Variants in EPHB1 observed in about 807,000 individuals in gnomAD.
EPHB1 encodes ephrin type-B receptor 1.
Under a neutral mutation model 94.4 loss-of-function variants are expected in EPHB1, and 30 were observed. That is an observed-to-expected ratio of 0.32 (90% confidence interval 0.24 to 0.43). The LOEUF (loss-of-function observed/expected upper bound fraction) is 0.43, where lower values mean the gene tolerates loss of function less well. Among genes scored for constraint, EPHB1 ranks in the 20% least tolerant of loss-of-function variants. The pLI is 1.00. For missense variants in EPHB1, 1,055 were observed against 1,308.3 expected (o/e 0.81, Z 2.99); for synonymous variants, 522 against 489.1 (o/e 1.07, Z -0.89).
intron 12 of EPHB1, among the ~76,000 whole-genome samples, chr3:135,220,470 A>G (rs566604269): frequency 3.3e-5 from 5 of 152,248 alleles, no homozygotes; most frequent in African/African-American, 1.2e-4. Flanking sequence ...TAGAGAATAC[A>G]TGCCATCTGG....
At chr3:134,916,646 AGCTCTGAGTGTGGG>A (rs2038578593) in intron 1 of EPHB1, among the ~76,000 whole-genome samples, 2 of 152,316 alleles carry the variant, frequency 1.3e-5, no homozygotes, top group South Asian at 4.1e-4. Context: ...GCCAGCCGGC[AGCTCTGAGTGTGGG>A]GCCCGCTGAG....
intron 12 of EPHB1, among the ~76,000 whole-genome samples, chr3:135,236,873 A>G (rs9865620): frequency 0.66 from 99,672 of 152,052 alleles, 33,504 homozygotes; most frequent in South Asian, 0.74. Context: ...AACAATAAGC[A>G]ATTAGCAAAA....
intron 12 of EPHB1, among the ~76,000 whole-genome samples, chr3:135,238,246 G>A (rs1428299949): frequency 2.0e-5 from 3 of 152,164 alleles, no homozygotes; most frequent in African/African-American, 7.2e-5. Flanking sequence ...TCCCAAGTCA[G>A]TGTCCCCCTT....
intron 4 of EPHB1, among the ~76,000 whole-genome samples, chr3:135,107,312 C>G (rs1365991072): frequency 1.3e-5 from 2 of 152,212 alleles, no homozygotes; most frequent in African/African-American, 4.8e-5. Flanking sequence ...GGCAGCTACA[C>G]TCTCTGGATA....
intron 3 of EPHB1, among the ~76,000 whole-genome samples, chr3:135,015,915 G>A (rs1935782531): frequency 6.6e-6 from 1 of 152,220 alleles, no homozygotes; most frequent in Admixed American, 6.5e-5. Flanking sequence ...AGGCCCTGAG[G>A]TGGGAAGATC....
At chr3:134,959,877 T>C (rs1282869144) in intron 3 of EPHB1, among the ~76,000 whole-genome samples, 2 of 151,604 alleles carry the variant, frequency 1.3e-5, no homozygotes. Flanking sequence ...GTCAGGGCTG[T>C]TGTCAGACTT....
At chr3:134,827,967 T>G (rs2036515620) in intron 1 of EPHB1, among the ~76,000 whole-genome samples, 1 of 152,172 alleles carries the variant, frequency 6.6e-6, no homozygotes, top group Non-Finnish European at 1.5e-5. Flanking sequence ...TCTCTTTGTT[T>G]ATGCTTTTTT....
chr3:135,023,842 ATTC>A (rs1455737492), intron 3 of EPHB1, among the ~76,000 whole-genome samples: 3 of 152,310 alleles, frequency 2.0e-5, no homozygotes, highest in South Asian at 2.1e-4. Context: ...ATTTTATACC[ATTC>A]TTCTTTTTAT....
At chr3:135,093,534 A>G (rs1938635363) in intron 3 of EPHB1, among the ~76,000 whole-genome samples, 1 of 152,216 alleles carries the variant, frequency 6.6e-6, no homozygotes, top group Non-Finnish European at 1.5e-5. Flanking sequence ...CGTGGCCGAC[A>G]TGATGAAACC....
chr3:135,142,733 G>A (rs1287515421), intron 5 of EPHB1, among the ~76,000 whole-genome samples: 4 of 152,166 alleles, frequency 2.6e-5, no homozygotes, highest in Admixed American at 2.6e-4. Context: ...GAGTTGTAGA[G>A]GCCAGGGAAC....
At chr3:135,136,288 T>C (rs765617345) in intron 5 of EPHB1, among the ~76,000 whole-genome samples, 43 of 152,296 alleles carry the variant, frequency 2.8e-4, no homozygotes, top group Middle Eastern at 3.4e-3. Flanking sequence ...GGCTTGTCTG[T>C]TGAGTTCTGA....
In EPHB1 at chr3:135,249,569, T is replaced by C. The variant is rs1234294557; in HGVS notation, c.2846+78T>C. The C allele has an allele frequency of 4.0e-6, 6 of 1,507,326 alleles. No individual in the cohort carries two copies. The African/African-American group carries it at 6.9e-5, about 17-fold the overall frequency. 93.4% of individuals were successfully genotyped at this position (1,507,326 alleles called of 1,614,324 possible). A position where few individuals can be genotyped will look rare whatever the true frequency, so the allele number is the denominator to read the frequency against. On this transcript the variant is annotated intron_variant, in intron 15 of 15. Coordinates refer to ENST00000398015, the MANE Select transcript of EPHB1 (RefSeq NM_004441.5). ...TCCCTGCTATTGCAGATGGTGTGAG[T>C]CCTATTTCTGGCCTCATCCCTGGAG...
chr3:135,196,639 T>C (rs1198693381), intron 11 of EPHB1, among the ~76,000 whole-genome samples: 1 of 152,138 alleles, frequency 6.6e-6, no homozygotes, highest in Non-Finnish European at 1.5e-5. Context: ...GTCCATCTTC[T>C]GGGAAGTAGG....
At chr3:135,163,910 C>T (rs1409457815) in intron 7 of EPHB1, among the ~76,000 whole-genome samples, 3 of 152,040 alleles carry the variant, frequency 2.0e-5, no homozygotes, top group Non-Finnish European at 2.9e-5. Flanking sequence ...GAAGGTTGAT[C>T]GATGATAGGG....
At chr3:134,856,956 A>G (rs181755783) in intron 1 of EPHB1, among the ~76,000 whole-genome samples, 1 of 152,358 alleles carries the variant, frequency 6.6e-6, no homozygotes, top group East Asian at 1.9e-4. Context: ...ATCTCACTGA[A>G]CTGTGTGAAT....
At chr3:135,004,649 TG>T (rs1433671538) in intron 3 of EPHB1, among the ~76,000 whole-genome samples, 2 of 151,822 alleles carry the variant, frequency 1.3e-5, no homozygotes, top group Non-Finnish European at 2.9e-5. Context: ...TTGGAGGCTT[TG>T]CTCGTTTCTT....
chr3:134,836,142 C>T (rs2108295037), intron 1 of EPHB1, among the ~76,000 whole-genome samples: 1 of 152,330 alleles, frequency 6.6e-6, no homozygotes, highest in Middle Eastern at 3.4e-3. Flanking sequence ...TGGCTGGGCA[C>T]AGCCATCCAG....
chr3:134,979,622 A>T (rs549529933), intron 3 of EPHB1, among the ~76,000 whole-genome samples: 1 of 152,018 alleles, frequency 6.6e-6, no homozygotes, highest in Non-Finnish European at 1.5e-5. Context: ...GGTTCAACTT[A>T]TGATTTTTCA....
intron 11 of EPHB1, among the ~76,000 whole-genome samples, chr3:135,196,192 T>C (rs1942610562): frequency 1.3e-5 from 2 of 152,130 alleles, no homozygotes; most frequent in Admixed American, 1.3e-4. Context: ...GTTTGTTTTT[T>C]TCTTGTAAAT....
Sources: allele counts gnomAD v4.1 joint callset (sites outside exome capture counted in the v4.1 genomes callset), GRCh38; gene constraint gnomAD v4.1.1; transcripts MANE v1.5; gene names NCBI Gene and HGNC (gene_info 2026-07-23, HGNC 2026-07-21).